The following FAM107A variants were observed in gnomAD, a reference collection of about 807,000 sequenced individuals.
FAM107A encodes actin-associated protein FAM107A.
FAM107A carries 19 observed loss-of-function variants against 13.7 expected under a neutral mutation model. That is an observed-to-expected ratio of 1.38 (90% CI 0.97 to 2.03). The LOEUF (loss-of-function observed/expected upper bound fraction) is 2.03, where lower values mean the gene tolerates loss of function less well. Ranked by LOEUF, FAM107A falls within the 30% of genes most tolerant of loss-of-function variation. FAM107A has a pLI of 0.00. For missense variants in FAM107A, 203 were observed against 184.4 expected (o/e 1.10, Z -0.58); for synonymous variants, 82 against 74.5 (o/e 1.10, Z -0.52).
chr3:58,613,655 C>T lies in FAM107A; in HGVS notation c.-70+13761G>A, dbSNP rs192818334. Among the ~76,000 whole-genome samples, 2 of 152,286 alleles carry T rather than the reference C, an allele frequency of 1.3e-5. No individual in the cohort carries two copies. The highest frequency in any genetic ancestry group is 4.8e-5 in the African/African-American group (2 of 41,562). ...CTTCAGGACTCTGCTTAGATGGCAC[C>T]TCCTCCAGGAAGCCTTCCCTGATAT... On this transcript the variant is annotated intron_variant, in intron 1 of 3. Coordinates refer to the FAM107A transcript ENST00000465970. The surrounding 1 kb of genome is among the most constrained non-coding windows in gnomAD (Gnocchi z 4.6).
chr3:58,599,614 G>A (rs1390983784), intron 1 of FAM107A, among the ~76,000 whole-genome samples: 1 of 141,488 alleles, frequency 7.1e-6, no homozygotes, highest in Non-Finnish European at 1.5e-5. Context: ...TTGATGTTCT[G>A]TTTCTTGATC....
At position 58,617,623 on chromosome 3, in the gene FAM107A, G is replaced by C. The variant is rs2065915747; in HGVS notation, c.-70+9793C>G. 6.6e-6 allele frequency among the ~76,000 whole-genome samples: 1 copy of C among 152,112 alleles called. No individual in the cohort carries two copies. Among genetic ancestry groups the C allele is most frequent in the African/African-American group, 2.4e-5 (1 of 41,420 alleles). ...TCTGAAAGCCGATCCCTGGGGCCCA[G>C]GGAGGGAGCTGCGTTTTTGGGTTTC... On this transcript the variant is annotated intron_variant, in intron 1 of 3. Coordinates refer to the FAM107A transcript ENST00000465970. The surrounding 1 kb of genome is among the most constrained non-coding windows in gnomAD (Gnocchi z 4.5).
chr3:58,625,039 G>T (rs1432638212), intron 1 of FAM107A, among the ~76,000 whole-genome samples: 1 of 152,012 alleles, frequency 6.6e-6, no homozygotes, highest in Non-Finnish European at 1.5e-5. Flanking sequence ...GACCAGGAAG[G>T]GTGGGATGGG....
chr3:58,607,527 G>C (rs2065806373), intron 1 of FAM107A, among the ~76,000 whole-genome samples: 1 of 151,942 alleles, frequency 6.6e-6, no homozygotes, highest in Non-Finnish European at 1.5e-5. Context: ...CAAAGGTGAG[G>C]GTGTGTCACT....
upstream of FAM107A, chr3:58,589,298 T>C: frequency 6.9e-7 from 1 of 1,452,264 alleles, no homozygotes; most frequent in Non-Finnish European, 9.3e-7. Context: ...TAGGTGGAGT[T>C]GAGGACCCTT....
chr3:58,578,475 G>A (rs2063747837), upstream of FAM107A, among the ~76,000 whole-genome samples: 1 of 149,346 alleles, frequency 6.7e-6, no homozygotes, highest in Admixed American at 6.6e-5. Context: ...GGCTGAGGCA[G>A]GAGAATTGCT....
intron 1 of FAM107A, among the ~76,000 whole-genome samples, chr3:58,620,440 C>T (rs1029832185): frequency 6.6e-6 from 1 of 152,204 alleles, no homozygotes; most frequent in East Asian, 1.9e-4. Flanking sequence ...CCCCTCACCC[C>T]ATATAGATAT....
rs1202678870 is a variant in FAM107A at position 58,566,369 on chromosome 3, T to C, written c.*219A>G. 1 of 545,654 alleles carries C rather than the reference T, an allele frequency of 1.8e-6. No homozygotes were observed. The highest frequency in any genetic ancestry group is 3.2e-6 in the Non-Finnish European group (1 of 308,778). The allele number at this position is 545,654 out of a possible 1,614,324, so 33.8% of individuals were successfully genotyped here. On this transcript the variant is annotated 3_prime_UTR_variant, in exon 4 of 4. Coordinates refer to ENST00000360997, the MANE Select transcript of FAM107A (RefSeq NM_001076778.3). ...AGGGAGGGGTGCAGGTTATCCCTCT[T>C]GGAGCAGGAGGGCTGGGTGCTTGGA...
chr3:58,609,999 A>C (rs1362142848), intron 1 of FAM107A, among the ~76,000 whole-genome samples: 1 of 152,248 alleles, frequency 6.6e-6, no homozygotes, highest in Non-Finnish European at 1.5e-5. Context: ...CAAGATGGCC[A>C]GCACATCATG....
At chr3:58,589,140 C>T, upstream of FAM107A, 2 of 1,067,958 alleles carry the variant, frequency 1.9e-6, no homozygotes, top group Non-Finnish European at 2.8e-6. Flanking sequence ...ATGGGATGTA[C>T]TTTTGTGGAG....
At chr3:58,581,120 A>G (rs541074158), upstream of FAM107A, among the ~76,000 whole-genome samples, 1 of 152,346 alleles carries the variant, frequency 6.6e-6, no homozygotes, top group East Asian at 1.9e-4. Flanking sequence ...TCCAAAAGGA[A>G]GGACTCTGGG....
At chr3:58,571,311 A>T (rs983553420) in intron 1 of FAM107A, among the ~76,000 whole-genome samples, 6 of 152,220 alleles carry the variant, frequency 3.9e-5, no homozygotes, top group African/African-American at 1.4e-4. Flanking sequence ...GGTGCTGTGT[A>T]ACCTGGAAAA....
chr3:58,586,365 C>A (rs944374332), intron 1 of FAM107A, among the ~76,000 whole-genome samples: 7 of 151,936 alleles, frequency 4.6e-5, no homozygotes, highest in African/African-American at 1.7e-4. Flanking sequence ...GTCATAGATC[C>A]CCAAAAGGAT....
rs748128493 is a variant in FAM107A, at chr3:58,569,725, C to T, written c.136G>A (p.Glu46Lys). The T allele has an allele frequency of 6.2e-7, 1 of 1,613,946 alleles. No individual in the cohort carries two copies. The highest frequency in any genetic ancestry group is 1.7e-5 in the Admixed American group (1 of 60,010). The change falls in exon 2 of 4, where the codon GAG becomes AAG. Residue 46 changes from glutamate (E) to lysine (K), a missense_variant. Transcript: ENST00000360997. The surrounding 1 kb of genome is among the most constrained non-coding windows in gnomAD (Gnocchi z 5.7). ...TTCATGAGCAGCTCCCGGTGGAGCT[C>T]CTGGTGACTCCGAGAGGCCTTCACG... ...NPVKASRSHQ[E>K]LHRELLMNHR...
intron 1 of FAM107A, among the ~76,000 whole-genome samples, chr3:58,623,443 T>G (rs1310006941): frequency 6.6e-6 from 1 of 152,204 alleles, no homozygotes; most frequent in Non-Finnish European, 1.5e-5. Context: ...AAGCTCCACC[T>G]GCAGCCTCTA....
chr3:58,581,289 A>G (rs2108057371), upstream of FAM107A, among the ~76,000 whole-genome samples: 1 of 152,332 alleles, frequency 6.6e-6, no homozygotes, highest in African/African-American at 2.4e-5. Context: ...AGGAAGGGGG[A>G]CAGGGAAGAC....
chr3:58,605,142 G>T (rs752053103), intron 1 of FAM107A, among the ~76,000 whole-genome samples: 3 of 152,182 alleles, frequency 2.0e-5, no homozygotes, highest in Non-Finnish European at 4.4e-5. Flanking sequence ...TTACACCACA[G>T]TATAGTCCTC....
chr3:58,584,350 T>C (rs2108060051), intron 1 of FAM107A, among the ~76,000 whole-genome samples: 1 of 152,234 alleles, frequency 6.6e-6, no homozygotes, highest in East Asian at 1.9e-4. Context: ...GATGAATAAA[T>C]GAATGAAGGG....
chr3:58,564,959 G>A lies in FAM107A; in HGVS notation c.*1629C>T, dbSNP rs1217479501. 1 of 152,252 alleles carries A rather than the reference G, an allele frequency of 6.6e-6. No individual in the cohort carries two copies. Among genetic ancestry groups the A allele is most frequent in the Non-Finnish European group, 1.5e-5 (1 of 68,056 alleles). 9.4% of individuals were successfully genotyped at this position (152,252 alleles called of 1,614,324 possible). A position where few individuals can be genotyped will look rare whatever the true frequency, so the allele number is the denominator to read the frequency against. On this transcript the variant is annotated 3_prime_UTR_variant, in exon 4 of 4. Transcript: ENST00000360997. The surrounding 1 kb of genome is among the most constrained non-coding windows in gnomAD (Gnocchi z 5.6). ...TCACCCTCAAACCACCCAGTTATGA[G>A]TAAGACCAGAACAATCCCTTTCCTC...
Sources: allele counts gnomAD v4.1 joint callset (sites outside exome capture counted in the v4.1 genomes callset), GRCh38; gene constraint gnomAD v4.1.1; non-coding constraint Gnocchi (gnomAD v3.1); transcripts MANE v1.5; gene names NCBI Gene and HGNC (gene_info 2026-07-23, HGNC 2026-07-21).